Variants in ANKIB1 observed in about 807,000 individuals in gnomAD.
The protein encoded by ANKIB1 is ankyrin repeat and IBR domain containing 1.
Under a neutral mutation model 122.1 loss-of-function variants are expected in ANKIB1, and 43 were observed. That is an observed-to-expected ratio of 0.35 (90% confidence interval 0.28 to 0.45). The LOEUF is 0.45. ANKIB1 is among the 20% of genes least tolerant of loss of function. The probability of loss-of-function intolerance (pLI) is 1.00; values close to 1 mark genes in which losing one functional copy is unlikely to be tolerated. For missense variants in ANKIB1, 992 were observed against 1,329.5 expected, an observed-to-expected ratio of 0.75 and a Z score of 3.95; for synonymous variants, 390 against 442.0, an observed-to-expected ratio of 0.88 and a Z score of 1.48.
chr7:92,304,241 A>C (rs760575432), intron 2 of ANKIB1, among the ~76,000 whole-genome samples: 46 of 152,332 alleles, frequency 3.0e-4, no homozygotes, highest in Admixed American at 5.2e-4. Context: ...CAATTTTATG[A>C]ATAGTTTTAG....
rs147523176 is a variant in ANKIB1, at chr7:92,366,577, C to A, written c.1486+4304C>A. Among the ~76,000 whole-genome samples the A allele has an allele frequency of 1.8e-3, 268 of 152,314 alleles. 1 individual carries two copies. The highest frequency in any genetic ancestry group is 3.0e-3 in the Non-Finnish European group (201 of 68,014). ...AGTCCTTCTCTGGTAGAACAAATCT[C>A]AGGTGTCTTCAGTCTTTTGTCTCCT... On this transcript the variant is annotated intron_variant, in intron 10 of 19. Transcript: ENST00000265742.
intron 1 of ANKIB1, among the ~76,000 whole-genome samples, chr7:92,289,503 T>G (rs1802203475): frequency 6.6e-6 from 1 of 152,210 alleles, no homozygotes; most frequent in Non-Finnish European, 1.5e-5. Flanking sequence ...ACACTGCTCC[T>G]CACCATCACA....
Position 92,390,050 on chromosome 7 carries a change from T to G in ANKIB1, c.1986T>G (p.Cys662Trp). Residue 662 changes from cysteine to tryptophan, a missense_variant, in exon 15 of 20, where the codon TGT (cysteine) becomes TGG (tryptophan). Physicochemically the swap from Cys to Trp is radical, Grantham distance 215. Coordinates refer to ENST00000265742, the MANE Select transcript of ANKIB1 (RefSeq NM_019004.2). ...VLLKTRRILK[C>W]SYPYGFFLEP... ...TAAAAACTCGGCGCATTCTCAAGTG[T>G]TCTTATCCATATGGATTTTTCTTGG... 1 of 1,604,140 alleles carries G rather than the reference T, an allele frequency of 6.2e-7. No homozygotes were observed. The highest frequency in any genetic ancestry group is 8.5e-7 in the Non-Finnish European group (1 of 1,176,970).
intron 1 of ANKIB1, among the ~76,000 whole-genome samples, chr7:92,275,359 A>C (rs1372810974): frequency 2.0e-5 from 3 of 152,168 alleles, no homozygotes; most frequent in Admixed American, 1.3e-4. Context: ...AAATGAACAG[A>C]TGTTTAAAAA....
At chr7:92,378,433 A>G (rs1489574839) in intron 11 of ANKIB1, among the ~76,000 whole-genome samples, 1 of 151,586 alleles carries the variant, frequency 6.6e-6, no homozygotes, top group Non-Finnish European at 1.5e-5. Flanking sequence ...TGGTATATCC[A>G]AGGGGAAAAA....
In ANKIB1 at chr7:92,399,252, C is replaced by T. The variant is rs1225722527; in HGVS notation, c.*303C>T. 1 of 193,814 alleles carries T rather than the reference C, an allele frequency of 5.2e-6. No individual in the cohort carries two copies. The highest frequency in any genetic ancestry group is 1.0e-5 in the Non-Finnish European group (1 of 96,342). The allele number at this position is 193,814 out of a possible 1,614,324, so 12.0% of individuals were successfully genotyped here. A position where few individuals can be genotyped will look rare whatever the true frequency, so the allele number is the denominator to read the frequency against. On this transcript the variant is annotated 3_prime_UTR_variant, in exon 20 of 20. Coordinates refer to ENST00000265742, the MANE Select transcript of ANKIB1 (RefSeq NM_019004.2). ...CCACACTCTAAGAAAATGCAGTCCT[C>T]TATTTAGCCTAGGCTTGACAATACT...
intron 2 of ANKIB1, among the ~76,000 whole-genome samples, chr7:92,305,718 G>T (rs544637145): frequency 6.6e-6 from 1 of 152,262 alleles, no homozygotes; most frequent in East Asian, 1.9e-4. Flanking sequence ...GGCATCAGAA[G>T]ACCATAAAGG....
At chr7:92,356,560 T>G (rs1362762415) in intron 9 of ANKIB1, among the ~76,000 whole-genome samples, 1 of 152,180 alleles carries the variant, frequency 6.6e-6, no homozygotes, top group Non-Finnish European at 1.5e-5. Context: ...TTTATCAAAT[T>G]TCAACACAGT....
At chr7:92,329,786 C>G (rs1327483626) in intron 5 of ANKIB1, among the ~76,000 whole-genome samples, 1 of 152,170 alleles carries the variant, frequency 6.6e-6, no homozygotes, top group Non-Finnish European at 1.5e-5. Flanking sequence ...TTCAGCCTCC[C>G]TTCACTCTCC....
At chr7:92,262,208 A>G (rs1037377069) in intron 1 of ANKIB1, among the ~76,000 whole-genome samples, 1 of 152,220 alleles carries the variant, frequency 6.6e-6, no homozygotes, top group South Asian at 2.1e-4. Flanking sequence ...TTTTGTTGCT[A>G]TGGCAATAGA....
intron 2 of ANKIB1, among the ~76,000 whole-genome samples, chr7:92,306,116 T>C (rs1802557290): frequency 6.7e-6 from 1 of 149,610 alleles, no homozygotes. Context: ...CCCAGATTGA[T>C]ATTTTTAGGG....
At chr7:92,344,193 G>GTTTTTTTTTTTTTTTTTT (rs67933063) in intron 6 of ANKIB1, among the ~76,000 whole-genome samples, 1 of 97,676 alleles carries the variant, frequency 1.0e-5, no homozygotes, top group Non-Finnish European at 2.0e-5. Flanking sequence ...TGTGTTTTTG[G>GTTTTTTTTTTTTTTTTTT]TTTTTTTTTT....
chr7:92,361,824 T>C (rs1000238789), intron 9 of ANKIB1, among the ~76,000 whole-genome samples: 1 of 152,148 alleles, frequency 6.6e-6, no homozygotes, highest in South Asian at 2.1e-4. Flanking sequence ...TGTTTTTTTT[T>C]TTTAAATGGA....
intron 1 of ANKIB1, among the ~76,000 whole-genome samples, chr7:92,248,997 C>T (rs562678188): frequency 6.7e-6 from 1 of 149,328 alleles, no homozygotes; most frequent in South Asian, 2.1e-4. Context: ...AAACGATTCT[C>T]CTGCGTCAGC....
chr7:92,261,230 T>C (rs1454702474), intron 1 of ANKIB1, among the ~76,000 whole-genome samples: 4 of 150,754 alleles, frequency 2.7e-5, no homozygotes, highest in Non-Finnish European at 5.9e-5. Context: ...GCGCCTGTAG[T>C]CCCAGCTACT....
intron 8 of ANKIB1, among the ~76,000 whole-genome samples, chr7:92,351,809 G>A (rs1048110455): frequency 1.4e-5 from 2 of 147,764 alleles, no homozygotes; most frequent in Non-Finnish European, 3.0e-5. Context: ...CAACCTCTGC[G>A]TCCAAGGTTC....
intron 11 of ANKIB1, among the ~76,000 whole-genome samples, chr7:92,382,706 A>C (rs987737056): frequency 1.3e-5 from 2 of 152,264 alleles, no homozygotes; most frequent in Non-Finnish European, 2.9e-5. Context: ...ACAAAGACAC[A>C]ACATACCAGA....
intron 1 of ANKIB1, among the ~76,000 whole-genome samples, chr7:92,290,688 T>G (rs1188258500): frequency 6.6e-6 from 1 of 152,212 alleles, no homozygotes; most frequent in Non-Finnish European, 1.5e-5. Flanking sequence ...GTAAAAGATT[T>G]CTGGGAGTAG....
intron 4 of ANKIB1, among the ~76,000 whole-genome samples, chr7:92,326,903 T>G (rs1803039197): frequency 6.6e-6 from 1 of 152,190 alleles, no homozygotes; most frequent in Non-Finnish European, 1.5e-5. Context: ...ATCAAACTCC[T>G]GGGCTCAAGT....
Sources: allele counts gnomAD v4.1 joint callset (sites outside exome capture counted in the v4.1 genomes callset), GRCh38; gene constraint gnomAD v4.1.1; transcripts MANE v1.5; gene names NCBI Gene and HGNC (gene_info 2026-07-23, HGNC 2026-07-21).